The following KATNIP variants were observed in gnomAD, a reference collection of about 807,000 sequenced individuals.
The protein encoded by KATNIP is katanin interacting protein, also known as katanin-interacting protein.
In KATNIP, 126 loss-of-function variants were observed where a neutral mutation model predicts 174.0. The ratio of observed to expected loss-of-function variants is 0.72; its 90% CI spans 0.63 to 0.84. The LOEUF is 0.84. KATNIP is among the 40% of genes least tolerant of loss of function. The pLI is 0.00. For synonymous variants in KATNIP, 810 were observed against 835.7 expected (o/e 0.97, Z 0.53); for missense variants, 1,958 against 2,109.7 (o/e 0.93, Z 1.41).
Position 27,615,121 on chromosome 16 carries a change from G to T in KATNIP, c.64-3304G>T, listed in dbSNP as rs140933824. ...TCAGCACTGCAGATGCAGAGGAAGA[G>T]AATTTGGCAAGTAGGACGTTTTTTA... On this transcript the variant is annotated intron_variant, in intron 2 of 27. Transcript: ENST00000261588. Among the ~76,000 whole-genome samples, 6 of 152,160 alleles carry T rather than the reference G, an allele frequency of 3.9e-5. No individual in the cohort carries two copies. The East Asian group carries it at 7.7e-4, about 20-fold the overall frequency.
intron 6 of KATNIP, among the ~76,000 whole-genome samples, chr16:27,673,337 G>T (rs1275998811): frequency 6.6e-6 from 1 of 152,184 alleles, no homozygotes. Context: ...TTAAACAGCA[G>T]GTCGCCTAGG....
At chr16:27,744,784 G>A (rs1398523228) in intron 15 of KATNIP, among the ~76,000 whole-genome samples, 1 of 151,386 alleles carries the variant, frequency 6.6e-6, no homozygotes, top group Non-Finnish European at 1.5e-5. Context: ...TCGGGAGGCT[G>A]AGGCATGAGA....
At position 27,637,933 on chromosome 16, in the gene KATNIP, C is replaced by T. The variant is rs965362661; in HGVS notation, c.408+6771C>T. Among the ~76,000 whole-genome samples the T allele has an allele frequency of 6.6e-6, 1 of 152,202 alleles. No homozygotes were observed. The highest frequency in any genetic ancestry group is 6.5e-5 in the Admixed American group (1 of 15,286). On this transcript the variant is annotated intron_variant, in intron 5 of 27. Coordinates refer to ENST00000261588, the MANE Select transcript of KATNIP (RefSeq NM_015202.5). The surrounding 1 kb of genome is among the most constrained non-coding windows in gnomAD (Gnocchi z 4.7). ...CTTTGAAGCAGGGCTACGTCTCTCTCCACCAACCTTCCCCAGCCCCCGTCC... is the reference window on the plus strand; with the variant it reads ...CTTTGAAGCAGGGCTACGTCTCTCTTCACCAACCTTCCCCAGCCCCCGTCC...
chr16:27,658,905 G>A (rs982159671), intron 6 of KATNIP, among the ~76,000 whole-genome samples: 15 of 152,068 alleles, frequency 9.9e-5, no homozygotes, highest in Admixed American at 7.9e-4. Flanking sequence ...TGGGATTACA[G>A]ATGTGTGCTA....
At chr16:27,723,209 C>G (rs1464617614) in intron 14 of KATNIP, among the ~76,000 whole-genome samples, 1 of 152,174 alleles carries the variant, frequency 6.6e-6, no homozygotes, top group African/African-American at 2.4e-5. Context: ...TCTGCTGCTT[C>G]AAACCCTCAG....
At chr16:27,687,948 C>G (rs1362083241) in intron 8 of KATNIP, among the ~76,000 whole-genome samples, 1 of 152,176 alleles carries the variant, frequency 6.6e-6, no homozygotes, top group East Asian at 1.9e-4. Flanking sequence ...CTAATCAGCC[C>G]AAGCAACAAA....
chr16:27,701,395 C>T (rs1177290743), intron 10 of KATNIP, 194 bp from the exon 11 acceptor site: 7 of 520,044 alleles, frequency 1.3e-5, no homozygotes, highest in Non-Finnish European at 2.1e-5. Context: ...GCGCCCTGGT[C>T]CTCGGAAGCT....
intron 12 of KATNIP, chr16:27,708,476 C>CA: frequency 2.1e-6 from 1 of 479,516 alleles, no homozygotes; most frequent in Non-Finnish European, 3.7e-6. Context: ...AGAATGCTCA[C>CA]AGAGTGCCAG....
intron 18 of KATNIP, 100 bp from the exon 19 acceptor site, chr16:27,761,313 T>C: frequency 7.8e-7 from 1 of 1,281,466 alleles, no homozygotes; most frequent in Non-Finnish European, 1.1e-6. Flanking sequence ...TTGAAGTTGC[T>C]AGAATATAGA....
intron 18 of KATNIP, among the ~76,000 whole-genome samples, chr16:27,758,108 C>T (rs966525439): frequency 2.0e-5 from 3 of 152,156 alleles, no homozygotes; most frequent in Non-Finnish European, 2.9e-5. Flanking sequence ...TAGATGGAAT[C>T]GCAGTGCAGC....
At chr16:27,648,114 G>A (rs2077011446) in intron 5 of KATNIP, among the ~76,000 whole-genome samples, 1 of 152,076 alleles carries the variant, frequency 6.6e-6, no homozygotes, top group Non-Finnish European at 1.5e-5. Context: ...GGCCAACGTG[G>A]CAAAACCCCG....
At chr16:27,597,402 C>CTTTTTTTTTTTTTTTTTTTTTTTTTTT (rs36005993) in intron 2 of KATNIP, among the ~76,000 whole-genome samples, 1 of 46,128 alleles carries the variant, frequency 2.2e-5, no homozygotes, top group Non-Finnish European at 4.2e-5. Context: ...ATTTTCTTTT[C>CTTTTTTTTTTTTTTTTTTTTTTTTTTT]TTTTTTTTTT....
chr16:27,593,160 A>G (rs1241196612), intron 2 of KATNIP, among the ~76,000 whole-genome samples: 3 of 151,874 alleles, frequency 2.0e-5, no homozygotes, highest in Non-Finnish European at 4.4e-5. Flanking sequence ...GGTTCCCACC[A>G]ATGACTCCTA....
chr16:27,678,016 T>C lies in KATNIP; in HGVS notation c.808+20T>C. On this transcript the variant is annotated intron_variant, in intron 7 of 27. Coordinates refer to ENST00000261588, the MANE Select transcript of KATNIP (RefSeq NM_015202.5). ...CCAAAAGTGAGCTCTGTCTTGTATATCATTTCTTTGCCATTGGTGTCTCTG... is the reference window on the plus strand; with the variant it reads ...CCAAAAGTGAGCTCTGTCTTGTATACCATTTCTTTGCCATTGGTGTCTCTG... The C allele has an allele frequency of 1.2e-6, 2 of 1,606,960 alleles. No individual in the cohort carries two copies. Among genetic ancestry groups the C allele is most frequent in the East Asian group, 2.2e-5 (1 of 44,678 alleles).
Position 27,552,692 on chromosome 16 carries a change from T to G in KATNIP, c.7+2515T>G, listed in dbSNP as rs1340952420. ...GCCTGGCCTGCAAGTGGCAGTTTTT[T>G]TTTTTTTTTTTTTTTTTTGAGACGG... On this transcript the variant is annotated intron_variant, in intron 1 of 27. Coordinates refer to ENST00000261588, the MANE Select transcript of KATNIP (RefSeq NM_015202.5). Among the ~76,000 whole-genome samples, 14 of 144,066 alleles carry G rather than the reference T, an allele frequency of 9.7e-5. No homozygotes were observed. In the East Asian group the frequency reaches 2.8e-3, roughly 29 times the overall value. The allele number at this position is 144,066 out of a possible 152,430, so 94.5% of individuals were successfully genotyped here. A position where few individuals can be genotyped will look rare whatever the true frequency, so the allele number is the denominator to read the frequency against.
At position 27,708,854 on chromosome 16, in the gene KATNIP, C is replaced by G; in HGVS notation, c.1539C>G (p.His513Gln). ...ACACAAAGCTTTATGTGTCGCCCCA[C>G]GATGTGGATATCCGGAACACAGCCA... Reference protein sequence around the residue: ...LNDTKLYVSPHDVDIRNTATP... With the variant: ...LNDTKLYVSPQDVDIRNTATP... The change falls in exon 13 of 28, where the codon CAC becomes CAG. Residue 513 changes from histidine to glutamine, a missense_variant. Physicochemically the swap from His to Gln is conservative, Grantham distance 24. Coordinates refer to ENST00000261588, the MANE Select transcript of KATNIP (RefSeq NM_015202.5). 1 of 1,614,018 alleles carries G rather than the reference C, an allele frequency of 6.2e-7. No individual in the cohort carries two copies. The highest frequency in any genetic ancestry group is 8.5e-7 in the Non-Finnish European group (1 of 1,180,020).
In KATNIP at chr16:27,779,577, A is replaced by G. The variant is rs959266118; in HGVS notation, c.*948A>G. 3 of 152,274 alleles carry G rather than the reference A, an allele frequency of 2.0e-5. No individual in the cohort carries two copies. The highest frequency in any genetic ancestry group is 7.2e-5 in the African/African-American group (3 of 41,418). The allele number at this position is 152,274 out of a possible 1,614,324, so 9.4% of individuals were successfully genotyped here. On this transcript the variant is annotated 3_prime_UTR_variant, in exon 28 of 28. Coordinates refer to ENST00000261588, the MANE Select transcript of KATNIP (RefSeq NM_015202.5). ...TCCTGGTCTGATCACGGCTGTGCTC[A>G]CTGATGTGGCTGCTTTCTGTCTCTG...
chr16:27,569,835 G>A (rs890747325), intron 1 of KATNIP, among the ~76,000 whole-genome samples: 7 of 152,192 alleles, frequency 4.6e-5, no homozygotes, highest in Admixed American at 2.6e-4. Flanking sequence ...ATTATTTTCC[G>A]ATTTAATGAA....
chr16:27,762,748 C>T (rs1341702158), intron 19 of KATNIP, among the ~76,000 whole-genome samples: 1 of 152,220 alleles, frequency 6.6e-6, no homozygotes, highest in African/African-American at 2.4e-5. Flanking sequence ...CTATCATTAA[C>T]TGCTCATGGG....
Sources: allele counts gnomAD v4.1 joint callset (sites outside exome capture counted in the v4.1 genomes callset), GRCh38; gene constraint gnomAD v4.1.1; non-coding constraint Gnocchi (gnomAD v3.1); transcripts MANE v1.5; gene names NCBI Gene and HGNC (gene_info 2026-07-23, HGNC 2026-07-21).